RNF175: variants seen among roughly 807,000 people sequenced by gnomAD.
RNF175 encodes the protein ring finger protein 175.
A neutral mutation model predicts 50.0 loss-of-function variants in RNF175; 38 were observed. That is an observed-to-expected ratio of 0.76 (90% confidence interval 0.59 to 1.00). RNF175 has a LOEUF of 1.00. RNF175 is among the 50% of genes least tolerant of loss of function. The probability of loss-of-function intolerance (pLI) is 0.00; values close to 1 mark genes in which losing one functional copy is unlikely to be tolerated. For missense variants in RNF175, 388 were observed against 409.6 expected (o/e 0.95, Z 0.46); for synonymous variants, 155 against 146.1 (o/e 1.06, Z -0.44).
At position 153,744,147 on chromosome 4, in the gene RNF175, C is replaced by T. The variant is rs147505083; in HGVS notation, c.246+4498G>A. Among the ~76,000 whole-genome samples, 1,179 of 152,244 alleles carry T rather than the reference C, an allele frequency of 7.7e-3. 15 individuals are homozygous for T. Among genetic ancestry groups the T allele is most frequent in the African/African-American group, 0.027 (1,114 of 41,520 alleles). ...TCAAAAATCATCAAATCTGGCCAGG[C>T]GCAGTGGCTCATACCTGTAATCCCA... is the stretch of plus-strand genomic sequence containing the variant. On this transcript the variant is annotated intron_variant, in intron 3 of 8. Transcript: ENST00000347063.
intron 3 of RNF175, among the ~76,000 whole-genome samples, chr4:153,731,555 T>C (rs959200921): frequency 6.6e-6 from 1 of 152,044 alleles, no homozygotes; most frequent in Non-Finnish European, 1.5e-5. Flanking sequence ...ACATAATGAA[T>C]CTGAAAAGAA....
chr4:153,720,554 A>C, intron 5 of RNF175: 1 of 387,660 alleles, frequency 2.6e-6, no homozygotes, highest in Admixed American at 3.6e-5. Flanking sequence ...TTAGGACTGC[A>C]GTGCCTAGAC....
intron 7 of RNF175, chr4:153,715,021 T>G (rs552397924): frequency 7.4e-4 from 125 of 167,972 alleles, no homozygotes; most frequent in Non-Finnish European, 7.9e-5. Context: ...CTTGGTTTCC[T>G]CCCTTGGCTG....
chr4:153,712,598 GC>G, intron 7 of RNF175, 22 bp from the exon 8 acceptor site: 1 of 1,510,176 alleles, frequency 6.6e-7, no homozygotes, highest in Non-Finnish European at 9.2e-7. Context: ...TGTTAGGGAG[GC>G]TTCTAGATAT....
chr4:153,724,240 C>T (rs1738532216), intron 4 of RNF175, among the ~76,000 whole-genome samples: 1 of 152,194 alleles, frequency 6.6e-6, no homozygotes, highest in African/African-American at 2.4e-5. Flanking sequence ...TAGAAAAAAA[C>T]TACAAGAAGG....
At chr4:153,721,378 C>A (rs1429522501) in intron 5 of RNF175, 1 of 152,106 alleles carries the variant, frequency 6.6e-6, no homozygotes, top group Non-Finnish European at 1.5e-5. Flanking sequence ...GTTTTCTGTT[C>A]ATTGCAGGAA....
intron 4 of RNF175, among the ~76,000 whole-genome samples, chr4:153,723,696 T>A (rs1738493228): frequency 6.6e-6 from 1 of 152,190 alleles, no homozygotes; most frequent in Non-Finnish European, 1.5e-5. Context: ...CTTTTTAAAT[T>A]TGTCTACGTC....
In RNF175 at chr4:153,748,631, C is replaced by T. The variant is rs368556268; in HGVS notation, c.246+14G>A. On this transcript the variant is annotated intron_variant, in intron 3 of 8. Transcript: ENST00000347063. ...AGCTGGAGCAGGCTCCCAGCAGCCACGGGGATGACTCACATTGTAGGATCG... is the reference window on the plus strand; with the variant it reads ...AGCTGGAGCAGGCTCCCAGCAGCCATGGGGATGACTCACATTGTAGGATCG... 39 of 1,565,530 alleles carry T rather than the reference C, an allele frequency of 2.5e-5. No homozygotes were observed. The highest frequency in any genetic ancestry group is 1.8e-4 in the African/African-American group (13 of 73,396).
chr4:153,749,749 G>T (rs1327331043), intron 2 of RNF175, among the ~76,000 whole-genome samples: 1 of 152,110 alleles, frequency 6.6e-6, no homozygotes, highest in Non-Finnish European at 1.5e-5. Flanking sequence ...CCCATATCCA[G>T]ATCAATTAGA....
chr4:153,730,148 A>G (rs1738946910), intron 3 of RNF175, among the ~76,000 whole-genome samples: 1 of 152,208 alleles, frequency 6.6e-6, no homozygotes, highest in African/African-American at 2.4e-5. Flanking sequence ...TGACAGTAAA[A>G]GTATGCAGCA....
intron 3 of RNF175, among the ~76,000 whole-genome samples, chr4:153,740,843 G>A (rs1167372858): frequency 2.0e-5 from 3 of 152,184 alleles, no homozygotes; most frequent in Admixed American, 6.5e-5. Context: ...AGATAAACAG[G>A]CCTTTAGTGT....
At chr4:153,745,897 T>C (rs1043404184) in intron 3 of RNF175, among the ~76,000 whole-genome samples, 4 of 152,244 alleles carry the variant, frequency 2.6e-5, no homozygotes, top group African/African-American at 7.2e-5. Context: ...CACTGTTGCA[T>C]TGAGTATTAT....
chr4:153,724,387 T>C (rs1433543270), intron 4 of RNF175, among the ~76,000 whole-genome samples: 1 of 152,218 alleles, frequency 6.6e-6, no homozygotes, highest in African/African-American at 2.4e-5. Flanking sequence ...GGCTTATCTT[T>C]GTTGCTCAAA....
chr4:153,710,679 C>A (rs1035552951), intron 8 of RNF175, among the ~76,000 whole-genome samples, 190 bp from the exon 9 acceptor site: 8 of 152,078 alleles, frequency 5.3e-5, no homozygotes, highest in African/African-American at 1.9e-4. Flanking sequence ...TACACCACAC[C>A]CAATTCCTGA....
rs990715410 is a variant in RNF175 at position 153,715,869 on chromosome 4, G to A, written c.631-207C>T. ...ACAAGGTCAGGAGTTCGAGACCAGC[G>A]TGGCCAACGGGGTGAAACCCTGTCT... On this transcript the variant is annotated intron_variant, in intron 6 of 8. Coordinates refer to ENST00000347063, the MANE Select transcript of RNF175 (RefSeq NM_173662.4). 8.6e-5 allele frequency among the ~76,000 whole-genome samples: 13 copies of A among 151,912 alleles called. No individual in the cohort carries two copies. In the South Asian group the frequency reaches 1.0e-3, roughly 12 times the overall value.
Position 153,751,455 on chromosome 4 carries a change from AG to A in RNF175, c.86del (p.Ser29LeufsTer27). ...QQEQLSHTKL[S>X]AEDTWNLQQE... ...TTACTTACTTCCATGTGTCTTCTGC[AG>A]AAAGCTTTGTATGAGAGAGCTGAAA... is the stretch of plus-strand genomic sequence containing the variant. On this transcript the variant is annotated frameshift_variant, in exon 2 of 9. Transcript: ENST00000347063. LOFTEE classifies it high-confidence loss of function. 6.4e-7 allele frequency: 1 copy of A among 1,558,222 alleles called. No homozygotes were observed. Among genetic ancestry groups the A allele is most frequent in the Admixed American group, 1.9e-5 (1 of 51,552 alleles).
chr4:153,739,615 G>C (rs1424567086), intron 3 of RNF175, among the ~76,000 whole-genome samples: 1 of 152,050 alleles, frequency 6.6e-6, no homozygotes, highest in Non-Finnish European at 1.5e-5. Context: ...TTGTTTGCCT[G>C]ATAAAGTCTT....
At chr4:153,730,085 C>G (rs1184907284) in intron 3 of RNF175, among the ~76,000 whole-genome samples, 1 of 152,094 alleles carries the variant, frequency 6.6e-6, no homozygotes, top group Admixed American at 6.5e-5. Flanking sequence ...GCTAAGTAAC[C>G]AAGACTCAAG....
In RNF175 at chr4:153,759,647, T is replaced by C. The variant is rs1740728224; in HGVS notation, c.66+150A>G. The stretch of plus-strand genomic sequence containing the variant: ...CCGCACGGTGGCATCTTCCAGAAGG[T>C]CATGCGTCCGTCCCCACGTCTTTCC... On this transcript the variant is annotated intron_variant, in intron 1 of 8. Transcript: ENST00000347063. 14 of 504,584 alleles carry C rather than the reference T, an allele frequency of 2.8e-5. No individual in the cohort carries two copies. The East Asian group carries it at 5.0e-4, about 18-fold the overall frequency. 31.3% of individuals were successfully genotyped at this position (504,584 alleles called of 1,614,324 possible).
Sources: gnomAD v4.1 joint callset for allele counts (sites outside exome capture counted in the v4.1 genomes callset) on GRCh38, gnomAD v4.1.1 for gene constraint, MANE v1.5 for transcripts, NCBI Gene and HGNC (gene_info 2026-07-23, HGNC 2026-07-21) for gene names.